FAT2: variants seen among roughly 807,000 people sequenced by gnomAD.
FAT2 encodes the protein protocadherin Fat 2.
A neutral mutation model predicts 295.3 loss-of-function variants in FAT2; 150 were observed. That is an observed-to-expected ratio of 0.51 (90% CI 0.44 to 0.58). The LOEUF (loss-of-function observed/expected upper bound fraction) is 0.58. Ranked by LOEUF, FAT2 falls within the 20% of genes least tolerant of loss-of-function variation. The pLI, the probability that FAT2 is intolerant of heterozygous loss-of-function variation, is 0.00. For synonymous variants in FAT2, 2,026 were observed against 2,150.3 expected, an observed-to-expected ratio of 0.94 and a Z score of 1.60; for missense variants, 4,868 against 5,442.7, an observed-to-expected ratio of 0.89 and a Z score of 3.32.
At chr5:151,551,427 TCTC>T (rs1757201288) in intron 7 of FAT2, 37 bp downstream of exon 7, 1 of 1,601,176 alleles carries the variant, frequency 6.2e-7, no homozygotes, top group Non-Finnish European at 8.5e-7. Flanking sequence ...AGGCCTTCCA[TCTC>T]CTCTCAATAC....
At position 151,546,005 on chromosome 5, in the gene FAT2, A is replaced by T. The variant is rs756139494; in HGVS notation, c.5122T>A (p.Tyr1708Asn). ...NKDGVFSMNS[Y>N]SGLISTQKKL... The stretch of plus-strand genomic sequence containing the variant: ...TTCTGGGTGGAAATAAGGCCAGAAT[A>T]TGAGTTCATAGAGAAGACTCCATCC... Residue 1708 changes from tyrosine (Y) to asparagine (N), a missense_variant, in exon 10 of 24, where the codon TAT becomes AAT. Tyr to Asn is a moderately radical substitution (Grantham distance 143). This residue lies in a region of FAT2 where 3,297 missense variants were observed against 3,669.4 expected (regional missense o/e 0.90). Transcript: ENST00000261800. The T allele has an allele frequency of 3.1e-6, 5 of 1,614,198 alleles. No homozygotes were observed. The highest frequency in any genetic ancestry group is 2.2e-5 in the East Asian group (1 of 44,880).
chr5:151,555,367 CTT>C (rs912481589), intron 4 of FAT2, among the ~76,000 whole-genome samples: 5,430 of 122,616 alleles, frequency 0.044, 38 homozygotes, highest in East Asian at 0.074. Flanking sequence ...TAATATATTT[CTT>C]TTTTTTTTTT....
In FAT2 at chr5:151,544,542, G is replaced by T. The variant is rs897567038; in HGVS notation, c.6585C>A (p.Ala2195=). ...TGAGCCGGAGTCCCTCTGGACTCCG[G>T]GCCTGGGTGTGGAGAATTGGGGTAT... ...TLYTPILHTQ[A]RSPEGLRLIY... is the part of the protein sequence containing the mutation. Residue 2195 remains alanine (A), a synonymous_variant, in exon 10 of 24, where the codon GCC becomes GCA. Coordinates refer to ENST00000261800, the MANE Select transcript of FAT2 (RefSeq NM_001447.3). 5 of 1,613,940 alleles carry T rather than the reference G, an allele frequency of 3.1e-6. No individual in the cohort carries two copies. The African/African-American group carries it at 6.7e-5, about 22-fold the overall frequency.
At chr5:151,551,844 T>A (rs1389252970) in intron 6 of FAT2, among the ~76,000 whole-genome samples, 1 of 152,324 alleles carries the variant, frequency 6.6e-6, no homozygotes, top group East Asian at 1.9e-4. Context: ...ATTAATAAAC[T>A]ATAAGAATCC....
chr5:151,563,263 G>T (rs1444177020), intron 3 of FAT2, 62 bp downstream of exon 3: 5 of 1,481,246 alleles, frequency 3.4e-6, no homozygotes, highest in Admixed American at 1.9e-5. Flanking sequence ...GCCGATTTGG[G>T]CCCACAATTT....
Position 151,517,643 on chromosome 5 carries a change from C to T in FAT2, c.11440G>A (p.Glu3814Lys). 1 of 1,614,194 alleles carries T rather than the reference C, an allele frequency of 6.2e-7. No individual in the cohort carries two copies. The highest frequency in any genetic ancestry group is 1.1e-5 in the South Asian group (1 of 91,080). Residue 3814 changes from glutamate (E) to lysine (K), a missense_variant, in exon 20 of 24, where the codon GAA (glutamate) becomes AAA (lysine). Around this residue, in one of 5 missense-constraint regions of FAT2, gnomAD observed 1,046 missense variants for 1,210.1 expected, o/e 0.86. Transcript: ENST00000261800. ...QPQAILLFTN[E>K]TASVSLKLAS... Reference sequence around the variant, plus strand: ...ACCTTCAGGGAGACGGACGCTGTTTCATTGGTGAATAGAAGAATGGCCTGT... The same window carrying T: ...ACCTTCAGGGAGACGGACGCTGTTTTATTGGTGAATAGAAGAATGGCCTGT...
intron 1 of FAT2, among the ~76,000 whole-genome samples, chr5:151,579,647 C>T (rs1758868415): frequency 6.6e-6 from 1 of 151,906 alleles, no homozygotes; most frequent in Non-Finnish European, 1.5e-5. Flanking sequence ...TTTAGCCATT[C>T]CACTATGCAT....
In FAT2 at chr5:151,542,928, C is replaced by G. The variant is rs2127606436; in HGVS notation, c.8199G>C (p.Glu2733Asp). 1 of 1,614,230 alleles carries G rather than the reference C, an allele frequency of 6.2e-7. No homozygotes were observed. Among genetic ancestry groups the G allele is most frequent in the Non-Finnish European group, 8.5e-7 (1 of 1,180,042 alleles). ...GGGAGAAGACACCATCCTTGTTGCT[C>G]TCAGGTGTAGTGCCCCGCACTAGAC... ...IYSLVRGTTP[E>D]SNKDGVFSLD... is the part of the protein sequence containing the mutation. The change falls in exon 10 of 24, where the codon GAG (glutamate) becomes GAC (aspartate). Residue 2733 changes from glutamate to aspartate, a missense_variant. By Grantham distance (45) the Glu-to-Asp change is conservative. This residue lies in a region of FAT2 where 3,297 missense variants were observed against 3,669.4 expected (regional missense o/e 0.90). Transcript: ENST00000261800.
At position 151,528,086 on chromosome 5, in the gene FAT2, A is replaced by G. The variant is rs751732305; in HGVS notation, c.10074T>C (p.Tyr3358=). The G allele has an allele frequency of 8.1e-6, 13 of 1,614,050 alleles. No individual in the cohort carries two copies. Among genetic ancestry groups the G allele is most frequent in the African/African-American group, 2.7e-5 (2 of 74,906 alleles). Residue 3358 remains tyrosine, a synonymous_variant, in exon 16 of 24, where the codon TAT becomes TAC. Coordinates refer to ENST00000261800, the MANE Select transcript of FAT2 (RefSeq NM_001447.3). ...CAAGCTGGTTCCCTCCTATGAGGCT[A>G]TAGGTAATGTCACTATTTAGGGGTC... is the stretch of plus-strand genomic sequence containing the variant. ...EDGPLNSDIT[Y]SLIGGNQLGH...
intron 22 of FAT2, among the ~76,000 whole-genome samples, chr5:151,508,760 G>A (rs1761089613): frequency 6.6e-6 from 1 of 151,934 alleles, no homozygotes; most frequent in Non-Finnish European, 1.5e-5. Context: ...AGTAATCATG[G>A]GAAAGCCCTT....
chr5:151,506,957 C>T (rs191250164), intron 23 of FAT2, among the ~76,000 whole-genome samples, 197 bp downstream of exon 23: 6 of 152,306 alleles, frequency 3.9e-5, no homozygotes, highest in East Asian at 1.9e-4. Flanking sequence ...TAAAGGAGTG[C>T]AATAGAATGA....
intron 4 of FAT2, among the ~76,000 whole-genome samples, chr5:151,555,416 G>A (rs1040681195): frequency 2.7e-5 from 4 of 146,046 alleles, no homozygotes; most frequent in Non-Finnish European, 4.5e-5. Context: ...TATCGCCCAG[G>A]CTGGAGTTCA....
chr5:151,530,776 G>A (rs562613109), intron 14 of FAT2, among the ~76,000 whole-genome samples: 3 of 152,312 alleles, frequency 2.0e-5, no homozygotes, highest in Non-Finnish European at 4.4e-5. Flanking sequence ...CAGTGTCTGC[G>A]GTTGGATGGA....
chr5:151,592,484 T>C (rs1355780716), upstream of FAT2, among the ~76,000 whole-genome samples: 1 of 152,002 alleles, frequency 6.6e-6, no homozygotes, highest in Admixed American at 6.6e-5. Context: ...AATAAGTGAG[T>C]CTTTGCTTGC....
intron 12 of FAT2, among the ~76,000 whole-genome samples, chr5:151,535,890 T>C (rs149524885): frequency 6.6e-6 from 1 of 152,330 alleles, no homozygotes; most frequent in East Asian, 1.9e-4. Context: ...CACAGAAGTC[T>C]TCTTTGCTGA....
Position 151,545,759 on chromosome 5 carries a change from A to T in FAT2, c.5368T>A (p.Ser1790Thr). 6.2e-7 allele frequency: 1 copy of T among 1,614,158 alleles called. No homozygotes were observed. Among genetic ancestry groups the T allele is most frequent in the Non-Finnish European group, 8.5e-7 (1 of 1,180,020 alleles). ...GAATTAGCTTCTTTGTCACTGTCAG[A>T]GGCATGAATCACAAAGGGGTTGTTG... ...KNNNPFVIHA[S>T]DSDKEANSLL... Residue 1790 changes from serine (S) to threonine (T), a missense_variant, in exon 10 of 24, where the codon TCT becomes ACT. By Grantham distance (58) the Ser-to-Thr change is moderately conservative. Around this residue, in one of 5 missense-constraint regions of FAT2, gnomAD observed 3,297 missense variants for 3,669.4 expected, o/e 0.90. Transcript: ENST00000261800.
At chr5:151,529,455 G>C in intron 14 of FAT2, 63 bp from the exon 15 acceptor site, 1 of 1,451,664 alleles carries the variant, frequency 6.9e-7, no homozygotes, top group Non-Finnish European at 9.6e-7. Flanking sequence ...GCAGGACTGA[G>C]GGTCTGAGCC....
Position 151,567,812 on chromosome 5 carries a change from A to G in FAT2, c.1120T>C (p.Phe374Leu). The change falls in exon 2 of 24, where the codon TTT (phenylalanine) becomes CTT (leucine). Residue 374 changes from phenylalanine (F) to leucine (L), a missense_variant. Transcript: ENST00000261800. ...ACCACGCGGCTGCCAGGAGGGGAAA[A>G]CTCACTAAGCTGCACTCTGTAAACA... ...KAVYRVQLSE[F>L]SPPGSRVVMV... is the part of the protein sequence containing the mutation. 6.2e-7 allele frequency: 1 copy of G among 1,613,974 alleles called. No individual in the cohort carries two copies. Among genetic ancestry groups the G allele is most frequent in the Non-Finnish European group, 8.5e-7 (1 of 1,179,992 alleles).
chr5:151,580,235 C>G (rs1329606218), intron 1 of FAT2, among the ~76,000 whole-genome samples: 1 of 152,228 alleles, frequency 6.6e-6, no homozygotes, highest in Non-Finnish European at 1.5e-5. Context: ...CCAAGGTCTT[C>G]TGCATTAGTC....
Sources: allele counts gnomAD v4.1 joint callset (sites outside exome capture counted in the v4.1 genomes callset), GRCh38; gene constraint gnomAD v4.1.1; regional missense constraint gnomAD v4.1.1; transcripts MANE v1.5; gene names NCBI Gene and HGNC (gene_info 2026-07-23, HGNC 2026-07-21).